The following STK36 variants were observed in gnomAD, a reference collection of about 807,000 sequenced individuals.
The protein encoded by STK36 is serine/threonine-protein kinase 36.
In STK36, 116 loss-of-function variants were observed where a neutral mutation model predicts 142.2. The observed-to-expected ratio is 0.82, with a 90% CI of 0.70 to 0.95. STK36 has a LOEUF of 0.95. Ranked by LOEUF, STK36 falls within the 40% of genes least tolerant of loss-of-function variation. The pLI is 0.00. For missense variants in STK36, 1,422 were observed against 1,617.2 expected, an observed-to-expected ratio of 0.88 and a Z score of 2.07; for synonymous variants, 619 against 641.7, an observed-to-expected ratio of 0.96 and a Z score of 0.53.
chr2:218,672,863 G>A lies in STK36; in HGVS notation c.34G>A (p.Glu12Lys). 6.2e-7 allele frequency: 1 copy of A among 1,614,138 alleles called. No individual in the cohort carries two copies. Among genetic ancestry groups the A allele is most frequent in the Non-Finnish European group, 8.5e-7 (1 of 1,179,994 alleles). Residue 12 changes from glutamate (E) to lysine (K), a missense_variant, in exon 2 of 27, where the codon GAA (glutamate) becomes AAA (lysine). By Grantham distance (56) the Glu-to-Lys change is moderately conservative (BLOSUM62 1). Coordinates refer to ENST00000295709, the MANE Select transcript of STK36 (RefSeq NM_015690.5). ...EKYHVLEMIG[E>K]GSFGRVYKGR... is the part of the protein sequence containing the mutation. Reference sequence around the variant, plus strand: ...GTACCACGTGTTGGAGATGATTGGAGAAGGCTCTTTTGGGAGGGTGTACAA... The same window carrying A: ...GTACCACGTGTTGGAGATGATTGGAAAAGGCTCTTTTGGGAGGGTGTACAA...
intron 10 of STK36, among the ~76,000 whole-genome samples, chr2:218,683,393 G>A (rs1940624495): frequency 6.6e-6 from 1 of 151,872 alleles, no homozygotes; most frequent in South Asian, 2.1e-4. Flanking sequence ...TCCTGCCTCA[G>A]CCTTCTGAGT....
At position 218,692,640 on chromosome 2, in the gene STK36, T is replaced by C; in HGVS notation, c.1973T>C (p.Ile658Thr). The change falls in exon 16 of 27, where the codon ATT (isoleucine) becomes ACT (threonine). Residue 658 changes from isoleucine (I) to threonine (T), a missense_variant. Transcript: ENST00000295709. ...REQSEDIPGA[I>T]SSALAAICTA... ...CAGAGTGAGGATATACCTGGAGCCA[T>C]TTCCTCTGCCCTGGCAGCCATATGC... 1 of 1,613,748 alleles carries C rather than the reference T, an allele frequency of 6.2e-7. No homozygotes were observed. The highest frequency in any genetic ancestry group is 1.1e-5 in the South Asian group (1 of 91,060).
At chr2:218,676,609 G>A (rs1037578259) in intron 6 of STK36, among the ~76,000 whole-genome samples, 3 of 151,100 alleles carry the variant, frequency 2.0e-5, no homozygotes, top group Admixed American at 6.6e-5. Context: ...GAAAGGAAAG[G>A]TGCTACACGC....
Position 218,693,187 on chromosome 2 carries a change from A to G in STK36, c.2044-53A>G, listed in dbSNP as rs1278349796. Reference sequence around the variant, plus strand: ...CTGATCATTTTGGACATATGTGAGGAATAGGGTTGTAATCATGTGGATAGG... The same window carrying G: ...CTGATCATTTTGGACATATGTGAGGGATAGGGTTGTAATCATGTGGATAGG... On this transcript the variant is annotated intron_variant, in intron 16 of 26. Coordinates refer to ENST00000295709, the MANE Select transcript of STK36 (RefSeq NM_015690.5). 1.5e-5 allele frequency: 22 copies of G among 1,483,194 alleles called. No homozygotes were observed. The East Asian group carries it at 5.0e-4, about 34-fold the overall frequency. 91.9% of individuals were successfully genotyped at this position (1,483,194 alleles called of 1,614,324 possible). A position where few individuals can be genotyped will look rare whatever the true frequency, so the allele number is the denominator to read the frequency against.
chr2:218,676,653 CTT>C (rs1235267378), intron 6 of STK36, among the ~76,000 whole-genome samples: 4 of 99,932 alleles, frequency 4.0e-5, no homozygotes, highest in Non-Finnish European at 6.0e-5. Flanking sequence ...GTTTTTTTTT[CTT>C]TTTTTTTTTT....
rs1160945054 is a variant in STK36 at position 218,679,891 on chromosome 2, A to C, written c.949-2A>C. ...TTCAGTGTTGCCCCCTACCTCCCAC[A>C]GAAACATCAGAACACAGGACCTGCC... On this transcript the variant is annotated splice_acceptor_variant, in intron 8 of 26. Transcript: ENST00000295709. LOFTEE classifies it high-confidence loss of function. The C allele has an allele frequency of 1.2e-6, 2 of 1,612,624 alleles. No homozygotes were observed. The highest frequency in any genetic ancestry group is 3.3e-5 in the Admixed American group (2 of 59,840).
chr2:218,685,047 A>ACACTACTCCTGACCCCTTTCACTCCC, intron 10 of STK36, 38 bp from the exon 11 acceptor site: 1 of 1,612,496 alleles, frequency 6.2e-7, no homozygotes, highest in Non-Finnish European at 8.5e-7. Context: ...TTAGACTTAC[A>ACACTACTCCTGACCCCTTTCACTCCC]CACTACTCCT....
In STK36 at chr2:218,698,829, C is replaced by T. The variant is rs371000132; in HGVS notation, c.3285C>T (p.Ser1095=). The T allele has an allele frequency of 2.0e-5, 32 of 1,614,244 alleles. No individual in the cohort carries two copies. The African/African-American group carries it at 4.3e-4, about 22-fold the overall frequency. ...LAHTARVLSP[S]HLSFIQELLA... The stretch of plus-strand genomic sequence containing the variant: ...ATACTGCCAGGGTCCTGTCTCCCAG[C>T]CACTTGTCCTTTATCCAAGAGCTTC... Residue 1095 remains serine, a synonymous_variant, in exon 26 of 27, where the codon AGC becomes AGT. Coordinates refer to ENST00000295709, the MANE Select transcript of STK36 (RefSeq NM_015690.5).
In STK36 at chr2:218,679,734, G is replaced by T; in HGVS notation, c.948+5G>T. 1 of 1,614,210 alleles carries T rather than the reference G, an allele frequency of 6.2e-7. No homozygotes were observed. Among genetic ancestry groups the T allele is most frequent in the Non-Finnish European group, 8.5e-7 (1 of 1,180,032 alleles). ...GCTGAGGAGGCCATGCAGAAGGTGT[G>T]TGGGGCAGAGGAAAATATGTGAAAT... On this transcript the variant is annotated splice_donor_5th_base_variant and intron_variant, in intron 8 of 26. Transcript: ENST00000295709.
chr2:218,678,157 C>T (rs954959328), intron 6 of STK36, among the ~76,000 whole-genome samples: 1 of 152,020 alleles, frequency 6.6e-6, no homozygotes, highest in African/African-American at 2.4e-5. Context: ...CACTGTGTTG[C>T]CCAGGCTTGT....
rs140281803 is a variant in STK36, at chr2:218,679,671, A to G, written c.890A>G (p.Asn297Ser). 18 of 1,614,072 alleles carry G rather than the reference A, an allele frequency of 1.1e-5. No individual in the cohort carries two copies. The highest frequency in any genetic ancestry group is 2.2e-5 in the East Asian group (1 of 44,888). Reference protein sequence around the residue: ...EQAHRLAPKGNQSRILTQAYK... With the variant: ...EQAHRLAPKGSQSRILTQAYK... The stretch of plus-strand genomic sequence containing the variant: ...GCCCATCGGTTGGCCCCCAAGGGTA[A>G]TCAGTCTCGCATCTTGACTCAGGCC... Residue 297 changes from asparagine to serine, a missense_variant, in exon 8 of 27, where the codon AAT (asparagine) becomes AGT (serine). Asn to Ser is a conservative substitution (Grantham distance 46). Coordinates refer to ENST00000295709, the MANE Select transcript of STK36 (RefSeq NM_015690.5).
At position 218,688,667 on chromosome 2, in the gene STK36, A is replaced by G. The variant is rs748361805; in HGVS notation, c.1381-30A>G. 6.7e-5 allele frequency: 107 copies of G among 1,600,334 alleles called. 1 individual carries two copies. Among genetic ancestry groups the G allele is most frequent in the Admixed American group, 8.6e-5 (5 of 57,890 alleles). On this transcript the variant is annotated intron_variant, in intron 11 of 26. Coordinates refer to ENST00000295709, the MANE Select transcript of STK36 (RefSeq NM_015690.5). ...CCTTCTTTTACCTCTGAAAATATCA[A>G]TCGTTGCCTCTTTCCCTCATGTCAC...
rs779896026 is a variant in STK36, at chr2:218,673,936, G to A, written c.283G>A (p.Gly95Arg). 7 of 1,613,894 alleles carry A rather than the reference G, an allele frequency of 4.3e-6. No homozygotes were observed. The highest frequency in any genetic ancestry group is 1.3e-5 in the African/African-American group (1 of 74,890). ...GCTCTTTCAGATCCTAGAAGATGACGGAAAACTTCCTGAAGACCAGGTATG... is the reference window on the plus strand; with the variant it reads ...GCTCTTTCAGATCCTAGAAGATGACAGAAAACTTCCTGAAGACCAGGTATG... ...GELFQILEDD[G>R]KLPEDQVQAI... Residue 95 changes from glycine (G) to arginine (R), a missense_variant, in exon 4 of 27, where the codon GGA (glycine) becomes AGA (arginine). Around this residue, in one of 2 missense-constraint regions of STK36, gnomAD observed 460 missense variants for 449.6 expected, o/e 1.02. Transcript: ENST00000295709.
At position 218,676,278 on chromosome 2, in the gene STK36, G is replaced by GGTAATGAATA; in HGVS notation, c.684+1_684+10dup. 1 of 1,613,904 alleles carries GGTAATGAATA rather than the reference G, an allele frequency of 6.2e-7. No individual in the cohort carries two copies. The highest frequency in any genetic ancestry group is 2.2e-5 in the East Asian group (1 of 44,880). On this transcript the variant is annotated frameshift_variant and splice_region_variant. Transcript: ENST00000295709. LOFTEE classifies it high-confidence loss of function. Reference sequence around the variant, plus strand: ...CCTCAACCATCAGTCCCTGCTTTAAGGTAATGAATATTGAAAGGGAGATGA... The same window carrying GGTAATGAATA: ...CCTCAACCATCAGTCCCTGCTTTAAGGTAATGAATAGTAATGAATATTGAAAGGGAGATGA...
At chr2:218,674,887 A>C (rs1454257014) in intron 4 of STK36, among the ~76,000 whole-genome samples, 1 of 152,178 alleles carries the variant, frequency 6.6e-6, no homozygotes, top group African/African-American at 2.4e-5. Context: ...GGTGTGAGCC[A>C]CCACGCCCGA....
At chr2:218,672,536 G>A in intron 1 of STK36, 1 of 389,776 alleles carries the variant, frequency 2.6e-6, no homozygotes, top group Non-Finnish European at 4.8e-6. Context: ...TGAGGGAGAA[G>A]GGGAACCAGG....
Position 218,676,070 on chromosome 2 carries a change from C to T in STK36, c.476C>T (p.Ser159Phe). Residue 159 changes from serine to phenylalanine, a missense_variant, in exon 6 of 27, where the codon TCC becomes TTC. This residue lies in a region of STK36 where 460 missense variants were observed against 449.6 expected (regional missense o/e 1.02). Transcript: ENST00000295709. ...AMSTNTMVLT[S>F]IKGTPLYMSP... is the part of the protein sequence containing the mutation. Reference sequence around the variant, plus strand: ...AGCACCAATACAATGGTGCTGACATCCATCAAAGGCACACCACTCTATATG... The same window carrying T: ...AGCACCAATACAATGGTGCTGACATTCATCAAAGGCACACCACTCTATATG... 1.2e-6 allele frequency: 2 copies of T among 1,614,144 alleles called. No homozygotes were observed. Among genetic ancestry groups the T allele is most frequent in the Non-Finnish European group, 1.7e-6 (2 of 1,180,022 alleles).
intron 6 of STK36, among the ~76,000 whole-genome samples, chr2:218,676,551 A>C (rs900216442): frequency 6.6e-6 from 1 of 152,126 alleles, no homozygotes; most frequent in Admixed American, 6.5e-5. Context: ...GACGGAAAGC[A>C]AAGGGGAAAC....
At chr2:218,689,452 C>G (rs1027598943) in intron 12 of STK36, among the ~76,000 whole-genome samples, 6 of 152,120 alleles carry the variant, frequency 3.9e-5, no homozygotes, top group Admixed American at 2.6e-4. Flanking sequence ...TCTACTTCCC[C>G]CTGCTGTGTC....
Sources: allele counts gnomAD v4.1 joint callset (sites outside exome capture counted in the v4.1 genomes callset), GRCh38; gene constraint gnomAD v4.1.1; regional missense constraint gnomAD v4.1.1; transcripts MANE v1.5; gene names NCBI Gene and HGNC (gene_info 2026-07-23, HGNC 2026-07-21).